Variants in TNXB observed in about 807,000 individuals in gnomAD.
The protein encoded by TNXB is tenascin XB, also known as tenascin-X.
In TNXB, 183 loss-of-function variants were observed where a neutral mutation model predicts 340.5. The ratio of observed to expected loss-of-function variants is 0.54; its 90% confidence interval spans 0.48 to 0.61. The LOEUF (loss-of-function observed/expected upper bound fraction) is 0.61. Ranked by LOEUF, TNXB falls within the 20% of genes least tolerant of loss-of-function variation. The pLI, the probability that TNXB is intolerant of heterozygous loss-of-function variation, is 0.00. For synonymous variants in TNXB, 2,121 were observed against 2,314.5 expected (o/e 0.92, Z 2.40); for missense variants, 4,613 against 5,446.4 (o/e 0.85, Z 4.82).
chr6:32,079,056 G>T lies in TNXB; in HGVS notation c.4352C>A (p.Pro1451Gln). The stretch of plus-strand genomic sequence containing the variant: ...ACCTGTCACGCCCACGGCGGACACC[G>T]GGCCCACGCGCTGCCCCTCGTGGAG... ...YGLHEGQRVG[P>Q]VSAVGVTAPQ... Residue 1451 changes from proline (P) to glutamine (Q), a missense_variant, in exon 11 of 44, where the codon CCG becomes CAG. Pro to Gln is a moderately conservative substitution (Grantham distance 76). Transcript: ENST00000644971. The surrounding 1 kb of genome is among the most constrained non-coding windows in gnomAD (Gnocchi z 7.1). 1 of 1,612,586 alleles carries T rather than the reference G, an allele frequency of 6.2e-7. No individual in the cohort carries two copies. Among genetic ancestry groups the T allele is most frequent in the Non-Finnish European group, 8.5e-7 (1 of 1,179,490 alleles).
intron 6 of TNXB, 146 bp from the exon 7 acceptor site, chr6:32,086,264 C>T (rs1779770082): frequency 5.0e-6 from 5 of 1,002,224 alleles, no homozygotes; most frequent in Non-Finnish European, 5.5e-6. Flanking sequence ...CTCCCTCCTC[C>T]CAAAGGTCAG....
Position 32,062,905 on chromosome 6 carries a change from A to G in TNXB, c.6842-422T>C, listed in dbSNP as rs1025998554. Among the ~76,000 whole-genome samples, 2 of 151,686 alleles carry G rather than the reference A, an allele frequency of 1.3e-5. No individual in the cohort carries two copies. Among genetic ancestry groups the G allele is most frequent in the Admixed American group, 6.6e-5 (1 of 15,216 alleles). On this transcript the variant is annotated intron_variant, in intron 19 of 43. Coordinates refer to ENST00000644971, the MANE Select transcript of TNXB (RefSeq NM_001365276.2). This position sits in a 1 kb window ranked among gnomAD's most constrained non-coding sequence, Gnocchi z 4.3. ...CCCGTCTTTACTAAAAATACAAAAA[A>G]TTAGCCAGGCGTGTTGGCGGGCACC... is the stretch of plus-strand genomic sequence containing the variant.
chr6:32,056,213 G>T, intron 23 of TNXB, 39 bp from the exon 24 acceptor site: 1 of 1,590,988 alleles, frequency 6.3e-7, no homozygotes. Flanking sequence ...CAGGTGCCTG[G>T]GGGATGTGCT....
intron 1 of TNXB, among the ~76,000 whole-genome samples, chr6:32,102,979 G>C (rs1048996094): frequency 2.0e-5 from 3 of 152,086 alleles, no homozygotes; most frequent in African/African-American, 7.2e-5. Flanking sequence ...TTAGAAGATA[G>C]GATCAGATTA....
chr6:32,059,670 T>C (rs1379599843), intron 21 of TNXB, among the ~76,000 whole-genome samples: 7 of 151,846 alleles, frequency 4.6e-5, no homozygotes, highest in African/African-American at 7.3e-5. Flanking sequence ...AATTTCCCTA[T>C]TCCCCCTGTT....
rs759445043 is a variant in TNXB, at chr6:32,044,055, G to T, written c.11338C>A (p.Pro3780Thr). 1.9e-6 allele frequency: 3 copies of T among 1,539,362 alleles called. No individual in the cohort carries two copies. Among genetic ancestry groups the T allele is most frequent in the Non-Finnish European group, 1.8e-6 (2 of 1,133,848 alleles). Reference protein sequence around the residue: ...TSAKVNWMPPPSRADSFKVSY... With the variant: ...TSAKVNWMPPTSRADSFKVSY... ...ACTTTGAAGCTGTCCGCCCGGGATG[G>T]TGGGGGCATCCAGTTGACCTTGGCT... Residue 3780 changes from proline to threonine, a missense_variant, in exon 34 of 44, where the codon CCA (proline) becomes ACA (threonine). Pro to Thr is a conservative substitution (Grantham distance 38). This residue lies in a region of TNXB where 14 missense variants were observed against 33.4 expected (regional missense o/e 0.42). Coordinates refer to ENST00000644971, the MANE Select transcript of TNXB (RefSeq NM_001365276.2).
intron 19 of TNXB, among the ~76,000 whole-genome samples, chr6:32,063,374 T>A (rs2151909213): frequency 6.7e-6 from 1 of 148,384 alleles, no homozygotes. Flanking sequence ...AGAGCCTGGG[T>A]GACAGAGTGA....
chr6:32,078,447 CA>C (rs755788673), intron 11 of TNXB: 6,266 of 57,374 alleles, frequency 0.11, 61 homozygotes, highest in Non-Finnish European at 0.16. Flanking sequence ...GACTCTGTCT[CA>C]AAAAAAAAAA....
rs1174581014 is a variant in TNXB, at chr6:32,096,652, C to T, written c.1201G>A (p.Val401Met). ...TTGCAGTCGCCAGGGCAGCTGCGCA[C>T]GCCGCAGTCGTCCCCGCTGTAGCCC... The part of the protein sequence containing the change: ...DTGYSGDDCG[V>M]RSCPGDCNQR... The change falls in exon 3 of 44, where the codon GTG becomes ATG. Residue 401 changes from valine to methionine, a missense_variant. Coordinates refer to ENST00000644971, the MANE Select transcript of TNXB (RefSeq NM_001365276.2). The T allele has an allele frequency of 1.3e-6, 2 of 1,550,662 alleles. No homozygotes were observed. The highest frequency in any genetic ancestry group is 2.4e-5 in the East Asian group (1 of 41,016).
At position 32,081,759 on chromosome 6, in the gene TNXB, G is replaced by T; in HGVS notation, c.3737-86C>A. 1.2e-6 allele frequency: 1 copy of T among 837,790 alleles called. No homozygotes were observed. The highest frequency in any genetic ancestry group is 1.9e-6 in the Non-Finnish European group (1 of 536,982). 51.9% of individuals were successfully genotyped at this position (837,790 alleles called of 1,614,324 possible). A position where few individuals can be genotyped will look rare whatever the true frequency, so the allele number is the denominator to read the frequency against. ...TTCGACGGGATGTCACACCTATGGG[G>T]GGTGGGGGGTCACTAGTCCATTAAT... On this transcript the variant is annotated intron_variant, in intron 9 of 43. Coordinates refer to ENST00000644971, the MANE Select transcript of TNXB (RefSeq NM_001365276.2). The surrounding 1 kb of genome is among the most constrained non-coding windows in gnomAD (Gnocchi z 5.1).
rs1554321218 is a variant in TNXB, at chr6:32,067,132, G to GAAAGAAAGA, written c.6544+528_6544+529insTCTTTCTTT. The stretch of plus-strand genomic sequence containing the variant: ...AAGAAAGAGAAAGAAAGAAAGGAAG[G>GAAAGAAAGA]AAGAAAGAAAGAAAGAAAGAAAGAA... On this transcript the variant is annotated intron_variant, in intron 18 of 43. Transcript: ENST00000644971. The surrounding 1 kb of genome is among the most constrained non-coding windows in gnomAD (Gnocchi z 4.2). 9.1e-4 allele frequency among the ~76,000 whole-genome samples: 108 copies of GAAAGAAAGA among 118,078 alleles called. 2 individuals carry two copies. Among genetic ancestry groups the GAAAGAAAGA allele is most frequent in the Admixed American group, 8.9e-3 (97 of 10,854 alleles). 77.5% of individuals were successfully genotyped at this position (118,078 alleles called of 152,430 possible).
In TNXB at chr6:32,042,495, T is replaced by A. The variant is rs17421133; in HGVS notation, c.12170A>T (p.Asn4057Ile). The A allele has an allele frequency of 0.3, 483,790 of 1,610,306 alleles. 78,750 individuals carry two copies. The highest frequency in any genetic ancestry group is 0.43 in the Admixed American group (25,544 of 59,884). The change falls in exon 40 of 44, where the codon AAC becomes ATC. Residue 4057 changes from asparagine (N) to isoleucine (I), a missense_variant. Transcript: ENST00000644971. ...ATCAGTCTCCATGTCGCAAAACACG[T>A]TCAGGGGCCGCTCGCGGTTGCCGTT... ...FLNGNRERPL[N>I]VFCDMETDGG...
chr6:32,089,405 C>T lies in TNXB; in HGVS notation c.2359-26G>A. 1 of 1,590,120 alleles carries T rather than the reference C, an allele frequency of 6.3e-7. No individual in the cohort carries two copies. On this transcript the variant is annotated intron_variant, in intron 4 of 43. Transcript: ENST00000644971. The surrounding 1 kb of genome is among the most constrained non-coding windows in gnomAD (Gnocchi z 6.2). ...CTGTGAGAGAGAGCACCAGGTGGCT[C>T]AGGGGCTGGCACTCTTGCCTCTGCT...
rs1779601129 is a variant in TNXB, at chr6:32,083,605, C to T, written c.3445+808G>A. ...GGTACACCTTGCTTTCCTTCGCCTC[C>T]CCCATCCAGCCCCACTGCCACCATC... On this transcript the variant is annotated intron_variant, in intron 8 of 43. Coordinates refer to ENST00000644971, the MANE Select transcript of TNXB (RefSeq NM_001365276.2). This position sits in a 1 kb window ranked among gnomAD's most constrained non-coding sequence, Gnocchi z 4.6. 6.6e-6 allele frequency among the ~76,000 whole-genome samples: 1 copy of T among 152,082 alleles called. No homozygotes were observed. The highest frequency in any genetic ancestry group is 2.4e-5 in the African/African-American group (1 of 41,398).
At chr6:32,053,124 G>C (rs766046376) in intron 25 of TNXB, 131 bp from the exon 26 acceptor site, 4 of 1,147,966 alleles carry the variant, frequency 3.5e-6, no homozygotes, top group Non-Finnish European at 4.9e-6. Context: ...CATCTTTGGA[G>C]CTGGGTGGTC....
chr6:32,047,776 C>T lies in TNXB; in HGVS notation c.10282G>A (p.Gly3428Ser). Residue 3428 changes from glycine to serine, a missense_variant, in exon 30 of 44, where the codon GGC becomes AGC. By Grantham distance (56) the Gly-to-Ser change is moderately conservative. Coordinates refer to ENST00000644971, the MANE Select transcript of TNXB (RefSeq NM_001365276.2). The surrounding 1 kb of genome is among the most constrained non-coding windows in gnomAD (Gnocchi z 6.2). ...GAGATGGGGCCCAGTCGTTTCCTGC[C>T]TGACAGACCATAGAGCAGGAACCTG... ...KYRFLLYGLS[G>S]RKRLGPISAD... The T allele has an allele frequency of 6.2e-7, 1 of 1,607,184 alleles. No homozygotes were observed. Among genetic ancestry groups the T allele is most frequent in the Non-Finnish European group, 8.5e-7 (1 of 1,177,572 alleles).
chr6:32,067,686 G>T lies in TNXB; in HGVS notation c.6519C>A (p.Gly2173=). ...LYGLHEGRRV[G]PVSAVGVTAP... is the part of the protein sequence containing the mutation. ...CCGTGACGCCCACAGCAGACACTGG[G>T]CCCACGCGCCGCCCCTCGTGGAGGC... Residue 2173 remains glycine (G), a synonymous_variant, in exon 18 of 44, where the codon GGC becomes GGA. Coordinates refer to ENST00000644971, the MANE Select transcript of TNXB (RefSeq NM_001365276.2). This position sits in a 1 kb window ranked among gnomAD's most constrained non-coding sequence, Gnocchi z 4.2. 1 of 1,613,700 alleles carries T rather than the reference G, an allele frequency of 6.2e-7. No homozygotes were observed. The highest frequency in any genetic ancestry group is 8.5e-7 in the Non-Finnish European group (1 of 1,179,758).
rs1184032066 is a variant in TNXB at position 32,064,755 on chromosome 6, TACTG to T, written c.6841+62_6841+65del. On this transcript the variant is annotated intron_variant, in intron 19 of 43. Transcript: ENST00000644971. The surrounding 1 kb of genome is among the most constrained non-coding windows in gnomAD (Gnocchi z 5.3). ...GGGAAAGTAAAATAAAGCCACCAGATACTGACAATAAAAGGGAAACTGAGTCTAG... is the reference window on the plus strand; with the variant it reads ...GGGAAAGTAAAATAAAGCCACCAGATACAATAAAAGGGAAACTGAGTCTAG... 9 of 1,563,838 alleles carry T rather than the reference TACTG, an allele frequency of 5.8e-6. No individual in the cohort carries two copies. The highest frequency in any genetic ancestry group is 3.5e-5 in the Admixed American group (2 of 56,646).
chr6:32,088,028 C>T (rs903164365), intron 6 of TNXB, among the ~76,000 whole-genome samples: 15 of 152,180 alleles, frequency 9.9e-5, no homozygotes, highest in African/African-American at 3.4e-4. Context: ...AGGTCAGTGG[C>T]AGCTCCCTCC....
Sources: allele counts gnomAD v4.1 joint callset (sites outside exome capture counted in the v4.1 genomes callset), GRCh38; gene constraint gnomAD v4.1.1; regional missense constraint gnomAD v4.1.1; non-coding constraint Gnocchi (gnomAD v3.1); transcripts MANE v1.5; gene names NCBI Gene and HGNC (gene_info 2026-07-23, HGNC 2026-07-21).